Variants in GCSAML observed in about 807,000 individuals in gnomAD.
GCSAML encodes the protein germinal center associated signaling and motility like.
GCSAML carries 9 observed loss-of-function variants against 13.0 expected under a neutral mutation model. That is an observed-to-expected ratio of 0.69 (90% CI 0.42 to 1.21). GCSAML has a LOEUF of 1.21. Ranked by LOEUF, GCSAML falls within the 50% of genes most tolerant of loss-of-function variation. The pLI is 0.00. For missense variants in GCSAML, 143 were observed against 153.4 expected (o/e 0.93, Z 0.36); for synonymous variants, 37 against 52.9 (o/e 0.70, Z 1.31).
intron 3 of GCSAML, 71 bp downstream of exon 3, chr1:247,563,710 CT>C (rs1668226926): frequency 1.2e-6 from 1 of 810,778 alleles, no homozygotes; most frequent in Admixed American, 2.1e-5. Context: ...AGCAGACACT[CT>C]TGAGCCTATT....
intron 2 of GCSAML, among the ~76,000 whole-genome samples, chr1:247,537,713 T>C (rs1667270239): frequency 6.6e-6 from 1 of 152,184 alleles, no homozygotes; most frequent in South Asian, 2.1e-4. Context: ...CAAAGTGGCA[T>C]CTCATTGTGG....
chr1:247,559,830 G>T (rs1668064839), intron 2 of GCSAML, among the ~76,000 whole-genome samples: 1 of 152,132 alleles, frequency 6.6e-6, no homozygotes, highest in Admixed American at 6.5e-5. Context: ...TTACGACTGT[G>T]TTCAAATGTT....
chr1:247,517,479 T>G (rs1666251403), intron 1 of GCSAML, among the ~76,000 whole-genome samples: 1 of 152,226 alleles, frequency 6.6e-6, no homozygotes, highest in Non-Finnish European at 1.5e-5. Flanking sequence ...TTCCACAAAT[T>G]TTAGGAGATT....
rs141308460 is a variant in GCSAML at position 247,540,553 on chromosome 1, G to A, written c.-147-8492G>A. On this transcript the variant is annotated intron_variant, in intron 2 of 5. Coordinates refer to the GCSAML transcript ENST00000366489. Reference sequence around the variant, plus strand: ...TCTGTCAGAATAGAAGCTCATGAAGGCAGTGGTGTCTACTTTGTTTCTTCT... The same window carrying A: ...TCTGTCAGAATAGAAGCTCATGAAGACAGTGGTGTCTACTTTGTTTCTTCT... Among the ~76,000 whole-genome samples, 40 of 152,336 alleles carry A rather than the reference G, an allele frequency of 2.6e-4. 1 individual carries two copies. The East Asian group carries it at 5.6e-3, about 21-fold the overall frequency.
chr1:247,558,438 C>T (rs12563858), intron 2 of GCSAML, among the ~76,000 whole-genome samples: 4 of 152,164 alleles, frequency 2.6e-5, no homozygotes, highest in African/African-American at 9.7e-5. Flanking sequence ...ATTCACCCTT[C>T]TCATATATAC....
intron 1 of GCSAML, among the ~76,000 whole-genome samples, chr1:247,522,304 G>A (rs1333301102): frequency 2.9e-5 from 1 of 34,348 alleles, no homozygotes; most frequent in Admixed American, 2.0e-4. Context: ...GGTGGGGGGC[G>A]CCTCCACCTG....
At chr1:247,519,186 G>T in intron 1 of GCSAML, 1 of 152,342 alleles carries the variant, frequency 6.6e-6, no homozygotes. Context: ...TGGACTGACT[G>T]CCCCATGTCC....
chr1:247,562,670 A>G lies in GCSAML; in HGVS notation c.90-920A>G, dbSNP rs974665272. On this transcript the variant is annotated intron_variant, in intron 2 of 4. Coordinates refer to ENST00000366488, the MANE Select transcript of GCSAML (RefSeq NM_145278.5). ...ATTACAAGTTATATCCTTTTTTCATATTTCCCCTTAAATTTAGGAGTCTGA... is the reference window on the plus strand; with the variant it reads ...ATTACAAGTTATATCCTTTTTTCATGTTTCCCCTTAAATTTAGGAGTCTGA... Among the ~76,000 whole-genome samples the G allele has an allele frequency of 5.9e-5, 9 of 151,942 alleles. No homozygotes were observed. The South Asian group carries it at 1.7e-3, about 28-fold the overall frequency.
At chr1:247,532,728 G>A (rs1667039509) in intron 2 of GCSAML, 3 of 566,214 alleles carry the variant, frequency 5.3e-6, no homozygotes, top group African/African-American at 1.9e-5. Flanking sequence ...TCCTTGGTAG[G>A]TTGAGAATAC....
At position 247,526,958 on chromosome 1, in the gene GCSAML, G is replaced by A; in HGVS notation, c.-244G>A. The A allele has an allele frequency of 2.2e-6, 1 of 456,648 alleles. No homozygotes were observed. The highest frequency in any genetic ancestry group is 1.5e-5 in the South Asian group (1 of 64,550). The allele number at this position is 456,648 out of a possible 1,614,324, so 28.3% of individuals were successfully genotyped here. ...CTTTCAGGATTTACTGCCTCAAGAT[G>A]GTTATGTTGGAGGATTCCAATAGTT... On this transcript the variant is annotated 5_prime_UTR_variant, in exon 2 of 6. Coordinates refer to the GCSAML transcript ENST00000366489. The surrounding 1 kb of genome is among the most constrained non-coding windows in gnomAD (Gnocchi z 4.8).
intron 2 of GCSAML, chr1:247,536,451 T>G (rs1364850217): frequency 2.0e-5 from 3 of 152,198 alleles, no homozygotes; most frequent in Admixed American, 6.5e-5. Context: ...TAAAATACTT[T>G]GTAAGAAAAT....
intron 1 of GCSAML, among the ~76,000 whole-genome samples, chr1:247,550,797 C>T (rs890800401): frequency 5.3e-5 from 8 of 152,074 alleles, no homozygotes; most frequent in East Asian, 1.9e-4. Flanking sequence ...AAAATGTTTC[C>T]CTTCTTTTAA....
chr1:247,532,470 G>T, intron 2 of GCSAML: 4 of 1,613,904 alleles, frequency 2.5e-6, no homozygotes, highest in Non-Finnish European at 3.4e-6. Context: ...AGCCCAGGAG[G>T]ACAAAGACTT....
intron 2 of GCSAML, chr1:247,531,988 A>G (rs1277549482): frequency 6.2e-7 from 1 of 1,614,024 alleles, no homozygotes; most frequent in Non-Finnish European, 8.5e-7. Context: ...GAAGTGGTCG[A>G]TGCAATTGTT....
At chr1:247,513,500 T>C (rs1040100701) in intron 1 of GCSAML, among the ~76,000 whole-genome samples, 2 of 152,220 alleles carry the variant, frequency 1.3e-5, no homozygotes, top group African/African-American at 4.8e-5. Flanking sequence ...TTCAGCCCCC[T>C]TTCCAGGGCA....
At chr1:247,560,558 T>C (rs894965069) in intron 2 of GCSAML, among the ~76,000 whole-genome samples, 2 of 152,136 alleles carry the variant, frequency 1.3e-5, no homozygotes, top group East Asian at 3.9e-4. Flanking sequence ...CCCAAACATG[T>C]ATTATTTTCT....
intron 3 of GCSAML, among the ~76,000 whole-genome samples, chr1:247,564,212 G>A (rs577936270): frequency 3.9e-5 from 6 of 152,112 alleles, no homozygotes; most frequent in African/African-American, 7.2e-5. Context: ...GATTACAGGC[G>A]TGAGCCACCA....
At chr1:247,537,234 G>A in intron 2 of GCSAML, among the ~76,000 whole-genome samples, 1 of 152,236 alleles carries the variant, frequency 6.6e-6, no homozygotes, top group African/African-American at 2.4e-5. Flanking sequence ...ACATGTTATT[G>A]TGTCTGGTTT....
rs1667960954 is a variant in GCSAML at position 247,556,604 on chromosome 1, A to C, written c.89+138A>C. 5.1e-6 allele frequency: 3 copies of C among 592,010 alleles called. No homozygotes were observed. The African/African-American group carries it at 5.6e-5, about 11-fold the overall frequency. The allele number at this position is 592,010 out of a possible 1,614,324, so 36.7% of individuals were successfully genotyped here. ...ATAGAGTTCTTTGGTGATTACCTGC[A>C]TGACTTGGCAGCAGGTTAGACATTG... is the stretch of plus-strand genomic sequence containing the variant. On this transcript the variant is annotated intron_variant, in intron 2 of 4. Coordinates refer to ENST00000366488, the MANE Select transcript of GCSAML (RefSeq NM_145278.5).
Sources: allele counts gnomAD v4.1 joint callset (sites outside exome capture counted in the v4.1 genomes callset), GRCh38; gene constraint gnomAD v4.1.1; non-coding constraint Gnocchi (gnomAD v3.1); transcripts MANE v1.5; gene names NCBI Gene and HGNC (gene_info 2026-07-23, HGNC 2026-07-21).